The following MYO19 variants were observed in gnomAD, a reference collection of about 807,000 sequenced individuals.
MYO19 encodes the protein myosin XIX.
MYO19 carries 132 observed loss-of-function variants against 129.2 expected under a neutral mutation model. The ratio of observed to expected loss-of-function variants is 1.02; its 90% CI spans 0.89 to 1.18. The LOEUF is 1.18. MYO19 is among the 50% of genes most tolerant of loss of function. The pLI is 0.00. For missense variants in MYO19, 1,210 were observed against 1,216.7 expected, an observed-to-expected ratio of 0.99 and a Z score of 0.08; for synonymous variants, 531 against 477.2, an observed-to-expected ratio of 1.11 and a Z score of -1.47.
intron 3 of MYO19, among the ~76,000 whole-genome samples, chr17:36,531,462 T>C (rs1334867206): frequency 6.7e-6 from 1 of 150,296 alleles, no homozygotes; most frequent in Non-Finnish European, 1.5e-5. Context: ...TCCATAATCA[T>C]ACTACCCAGA....
chr17:36,537,967 C>T, upstream of MYO19: 2 of 1,614,050 alleles, frequency 1.2e-6, no homozygotes, highest in Middle Eastern at 1.6e-4. Flanking sequence ...TTATATGGCA[C>T]TGATGGTAGT....
intron 5 of MYO19, among the ~76,000 whole-genome samples, 173 bp downstream of exon 5, chr17:36,527,378 T>C (rs2073537070): frequency 6.6e-6 from 1 of 152,190 alleles, no homozygotes; most frequent in African/African-American, 2.4e-5. Context: ...TGTCCTGTAG[T>C]CAGTTCTTCA....
chr17:36,512,547 G>A, intron 11 of MYO19: 1 of 1,138,648 alleles, frequency 8.8e-7, no homozygotes, highest in Non-Finnish European at 1.1e-6. Flanking sequence ...CAGGCAGAAG[G>A]GCTGTGGCAG....
chr17:36,523,648 C>T (rs1361119569), intron 6 of MYO19, among the ~76,000 whole-genome samples: 1 of 152,052 alleles, frequency 6.6e-6, no homozygotes, highest in Admixed American at 6.6e-5. Context: ...TATGCATATA[C>T]ACATGACCAT....
Position 36,501,222 on chromosome 17 carries a change from G to C in MYO19, c.2094C>G (p.His698Gln), listed in dbSNP as rs754632996. The C allele has an allele frequency of 6.2e-7, 1 of 1,611,780 alleles. No homozygotes were observed. The highest frequency in any genetic ancestry group is 2.2e-5 in the East Asian group (1 of 44,880). The change falls in exon 22 of 26, where the codon CAC (histidine) becomes CAG (glutamine). Residue 698 changes from histidine to glutamine, a missense_variant. Physicochemically the swap from His to Gln is conservative, Grantham distance 24 (BLOSUM62 0). Coordinates refer to ENST00000614623, the MANE Select transcript of MYO19 (RefSeq NM_001163735.2). ...PAKGLPEWCP[H>Q]SEEATLEPLI... is the part of the protein sequence containing the mutation. ...GAGGTTCAAGCGTGGCTTCCTCGCTGTGTGGACACCATTCTGGGGGAGGGA... is the reference window on the plus strand; with the variant it reads ...GAGGTTCAAGCGTGGCTTCCTCGCTCTGTGGACACCATTCTGGGGGAGGGA...
chr17:36,515,109 T>C lies in MYO19; in HGVS notation c.617+4A>G. ...CCACTAGCCAGGGCAACAGCAGCTA[T>C]TACCTGTTCAGCTGGAGCTGGATGA... On this transcript the variant is annotated splice_donor_region_variant and intron_variant, in intron 8 of 25. Coordinates refer to ENST00000614623, the MANE Select transcript of MYO19 (RefSeq NM_001163735.2). 2 of 1,604,566 alleles carry C rather than the reference T, an allele frequency of 1.2e-6. No individual in the cohort carries two copies. The highest frequency in any genetic ancestry group is 1.1e-5 in the South Asian group (1 of 88,830).
upstream of MYO19, among the ~76,000 whole-genome samples, chr17:36,536,902 T>C (rs2074146659): frequency 6.6e-6 from 1 of 152,218 alleles, no homozygotes; most frequent in Admixed American, 6.5e-5. Context: ...GTATGACATT[T>C]CTATCTGAAC....
At chr17:36,513,529 G>A (rs947407698) in intron 10 of MYO19, 24 bp from the exon 11 acceptor site, 6 of 1,613,856 alleles carry the variant, frequency 3.7e-6, no homozygotes, top group South Asian at 1.1e-5. Flanking sequence ...CAAGTTCGGG[G>A]CAGAGGTCAG....
At chr17:36,501,283 CT>C in intron 21 of MYO19, 48 bp from the exon 22 acceptor site, 1 of 1,555,130 alleles carries the variant, frequency 6.4e-7, no homozygotes, top group Non-Finnish European at 8.7e-7. Context: ...CTCTACATGC[CT>C]CTGTGGCCTG....
upstream of MYO19, chr17:36,537,014 G>A: frequency 8.2e-7 from 1 of 1,225,294 alleles, no homozygotes; most frequent in Admixed American, 2.4e-5. Context: ...CTAGTAATAA[G>A]AGTAAAATTA....
At chr17:36,499,655 T>TTTTTC (rs1567728980) in intron 23 of MYO19, 1 of 142,762 alleles carries the variant, frequency 7.0e-6, no homozygotes, top group African/African-American at 2.9e-5. Flanking sequence ...ATTCTTTTTC[T>TTTTTC]TTTTGTTTCT....
chr17:36,535,489 G>C (rs1242099218), upstream of MYO19: 1 of 152,258 alleles, frequency 6.6e-6, no homozygotes, highest in Admixed American at 6.5e-5. Context: ...AGTGCCGCGC[G>C]GGAGGCGGAA....
chr17:36,511,375 A>T lies in MYO19; in HGVS notation c.975T>A (p.Asp325Glu). 1 of 1,576,756 alleles carries T rather than the reference A, an allele frequency of 6.3e-7. No homozygotes were observed. Among genetic ancestry groups the T allele is most frequent in the South Asian group, 1.2e-5 (1 of 85,576 alleles). ...EDEAQPCQPM[D>E]DAKYSVRTAA... ...CACCCTGACCCTCACACTTGGCATCATCCATCGGCTGGCAGGGCTGGGCTT... is the reference window on the plus strand; with the variant it reads ...CACCCTGACCCTCACACTTGGCATCTTCCATCGGCTGGCAGGGCTGGGCTT... The change falls in exon 12 of 26, where the codon GAT becomes GAA. Residue 325 changes from aspartate to glutamate, a missense_variant. Asp to Glu is a conservative substitution (Grantham distance 45). Coordinates refer to ENST00000614623, the MANE Select transcript of MYO19 (RefSeq NM_001163735.2).
intron 6 of MYO19, among the ~76,000 whole-genome samples, chr17:36,522,793 G>A (rs1048105902): frequency 2.0e-5 from 3 of 152,082 alleles, no homozygotes; most frequent in Admixed American, 2.0e-4. Context: ...GGATCACGAG[G>A]TCAGGAGATC....
chr17:36,496,521 G>A, intron 25 of MYO19, 115 bp from the exon 26 acceptor site: 1 of 929,734 alleles, frequency 1.1e-6, no homozygotes. Context: ...TACTAGTATT[G>A]GGGGCCACAG....
chr17:36,499,152 A>AAC lies in MYO19; in HGVS notation c.2384_2385dup (p.Ser796ValfsTer4). 6.2e-7 allele frequency: 1 copy of AAC among 1,605,290 alleles called. No homozygotes were observed. Among genetic ancestry groups the AAC allele is most frequent in the Non-Finnish European group, 8.5e-7 (1 of 1,175,418 alleles). ...TGGATGTGTTTCCGAGTTAACCAGG[A>AAC]ACGAATGGCTAAGAGGTTTGCCCAG... On this transcript the variant is annotated frameshift_variant, in exon 24 of 26. Coordinates refer to ENST00000614623, the MANE Select transcript of MYO19 (RefSeq NM_001163735.2). LOFTEE classifies it high-confidence loss of function.
Position 36,511,462 on chromosome 17 carries a change from G to GA in MYO19, c.895-8dup, listed in dbSNP as rs2072319933. ...GCAGCAGTCCAGCTAGGACCTGGGG[G>GA]AAAGAAAAGGATGGGTGGGAGTAGG... On this transcript the variant is annotated splice_region_variant and splice_polypyrimidine_tract_variant and intron_variant, in intron 11 of 25. Transcript: ENST00000614623. 6.4e-7 allele frequency: 1 copy of GA among 1,555,712 alleles called. No homozygotes were observed. Among genetic ancestry groups the GA allele is most frequent in the Admixed American group, 1.9e-5 (1 of 51,378 alleles).
intron 25 of MYO19, among the ~76,000 whole-genome samples, chr17:36,497,333 A>AG (rs1179991086): frequency 1.3e-5 from 2 of 151,698 alleles, no homozygotes; most frequent in African/African-American, 2.4e-5. Context: ...AAAAAAAAAA[A>AG]ACCCACAGAG....
intron 6 of MYO19, among the ~76,000 whole-genome samples, chr17:36,517,404 C>T (rs374759029): frequency 6.6e-6 from 1 of 152,092 alleles, no homozygotes; most frequent in African/African-American, 2.4e-5. Context: ...GGACTACAGG[C>T]GCTCGCCACC....
Sources: gnomAD v4.1 joint callset for allele counts (sites outside exome capture counted in the v4.1 genomes callset) on GRCh38, gnomAD v4.1.1 for gene constraint, MANE v1.5 for transcripts, NCBI Gene and HGNC (gene_info 2026-07-23, HGNC 2026-07-21) for gene names.